The following CCNY variants were observed in gnomAD, a reference collection of about 807,000 sequenced individuals.
The protein encoded by CCNY is cyclin-Y.
Under a neutral mutation model 42.8 loss-of-function variants are expected in CCNY, and 19 were observed. The observed-to-expected ratio is 0.44, with a 90% CI of 0.31 to 0.65. The LOEUF (loss-of-function observed/expected upper bound fraction) is 0.65. CCNY is among the 30% of genes least tolerant of loss of function. The pLI is 0.07. For missense variants in CCNY, 370 were observed against 437.3 expected, an observed-to-expected ratio of 0.85 and a Z score of 1.37; for synonymous variants, 165 against 162.7, an observed-to-expected ratio of 1.01 and a Z score of -0.11.
At chr10:35,513,764 C>T (rs780417526) in intron 3 of CCNY, among the ~76,000 whole-genome samples, 18 of 152,154 alleles carry the variant, frequency 1.2e-4, no homozygotes, top group Non-Finnish European at 2.5e-4. Flanking sequence ...TCCAGCACAT[C>T]ACTTTGCTGT....
chr10:35,407,567 A>G (rs1359590018), intron 1 of CCNY, among the ~76,000 whole-genome samples: 6 of 152,132 alleles, frequency 3.9e-5, no homozygotes, highest in Non-Finnish European at 8.8e-5. Flanking sequence ...GAAAAATCGA[A>G]AGTGCCGTTT....
chr10:35,539,646 G>A (rs1005445261), intron 7 of CCNY, among the ~76,000 whole-genome samples: 5 of 152,262 alleles, frequency 3.3e-5, no homozygotes, highest in African/African-American at 1.2e-4. Context: ...AATTAGCTGG[G>A]TGTGGTGACA....
At chr10:35,367,276 A>G (rs1329990663) in intron 1 of CCNY, among the ~76,000 whole-genome samples, 2 of 151,998 alleles carry the variant, frequency 1.3e-5, no homozygotes, top group Non-Finnish European at 2.9e-5. Context: ...ATAGTATTCT[A>G]TTTTATAGAC....
chr10:35,513,962 G>A (rs981111452), intron 3 of CCNY, among the ~76,000 whole-genome samples: 5 of 151,346 alleles, frequency 3.3e-5, no homozygotes, highest in African/African-American at 1.2e-4. Context: ...GCTCTGTTCT[G>A]TGAGTGATAC....
intron 3 of CCNY, among the ~76,000 whole-genome samples, chr10:35,309,528 C>CTTCT (rs1835656210): frequency 6.6e-6 from 1 of 152,108 alleles, no homozygotes; most frequent in East Asian, 1.9e-4. Context: ...GCTCAAGATA[C>CTTCT]TTCTGCCTCA....
chr10:35,280,667 GA>G (rs1405699625), intron 3 of CCNY, among the ~76,000 whole-genome samples: 9 of 152,170 alleles, frequency 5.9e-5, no homozygotes, highest in African/African-American at 2.2e-4. Context: ...AGTAAACATA[GA>G]AATAATGACT....
At chr10:35,354,333 C>T (rs1283637737) in intron 1 of CCNY, among the ~76,000 whole-genome samples, 3 of 151,898 alleles carry the variant, frequency 2.0e-5, no homozygotes, top group Admixed American at 6.6e-5. Flanking sequence ...TTACAGGCGC[C>T]CACCACCACG....
chr10:35,310,646 G>A (rs1322176735), intron 3 of CCNY, among the ~76,000 whole-genome samples: 2 of 152,150 alleles, frequency 1.3e-5, no homozygotes, highest in Non-Finnish European at 2.9e-5. Flanking sequence ...TTTTGCTGAT[G>A]ATGAGTGATG....
chr10:35,363,426 G>A (rs1836743435), intron 1 of CCNY, among the ~76,000 whole-genome samples: 1 of 149,800 alleles, frequency 6.7e-6, no homozygotes, highest in African/African-American at 2.5e-5. Flanking sequence ...CCCAGACGGT[G>A]GGGCTGCCGG....
At chr10:35,422,238 C>T (rs762639327) in intron 1 of CCNY, among the ~76,000 whole-genome samples, 1 of 152,118 alleles carries the variant, frequency 6.6e-6, no homozygotes, top group Admixed American at 6.5e-5. Flanking sequence ...CTTGCTGGCT[C>T]GTGGCACCTC....
intron 1 of CCNY, among the ~76,000 whole-genome samples, chr10:35,375,610 G>A (rs972396746): frequency 6.6e-6 from 1 of 152,226 alleles, no homozygotes; most frequent in Non-Finnish European, 1.5e-5. Flanking sequence ...CAGGAAAACT[G>A]TTCTCTCCAG....
intron 9 of CCNY, among the ~76,000 whole-genome samples, chr10:35,568,564 C>T (rs1347337241): frequency 6.6e-6 from 1 of 152,256 alleles, no homozygotes; most frequent in Non-Finnish European, 1.5e-5. Context: ...CCATCCTTTT[C>T]TGTGGAGTCC....
intron 1 of CCNY, among the ~76,000 whole-genome samples, chr10:35,450,842 G>A (rs1416075181): frequency 2.0e-5 from 3 of 152,060 alleles, no homozygotes; most frequent in African/African-American, 4.8e-5. Flanking sequence ...GACAGTGATG[G>A]AGCAGTGGGC....
intron 3 of CCNY, among the ~76,000 whole-genome samples, chr10:35,289,952 G>C (rs906943520): frequency 6.6e-6 from 1 of 151,362 alleles, no homozygotes; most frequent in Non-Finnish European, 1.5e-5. Context: ...TCAGCTGGGC[G>C]TGGTGGCTTA....
intron 1 of CCNY, among the ~76,000 whole-genome samples, chr10:35,370,841 G>A (rs1240099492): frequency 6.6e-6 from 1 of 150,900 alleles, no homozygotes; most frequent in Non-Finnish European, 1.5e-5. Flanking sequence ...TCAGCCTCCC[G>A]AGTAGCTGAG....
At chr10:35,526,285 A>T (rs1418949832) in intron 5 of CCNY, among the ~76,000 whole-genome samples, 1 of 152,214 alleles carries the variant, frequency 6.6e-6, no homozygotes, top group Admixed American at 6.5e-5. Context: ...AAATTTGTTG[A>T]AACATTCTGT....
At chr10:35,413,845 CT>C (rs1837966012) in intron 1 of CCNY, among the ~76,000 whole-genome samples, 2 of 152,236 alleles carry the variant, frequency 1.3e-5, no homozygotes, top group African/African-American at 4.8e-5. Flanking sequence ...GGAGGCTCAA[CT>C]TTTCAGAACT....
intron 1 of CCNY, among the ~76,000 whole-genome samples, chr10:35,466,708 G>A (rs1270581511): frequency 1.3e-5 from 2 of 152,212 alleles, no homozygotes; most frequent in Non-Finnish European, 2.9e-5. Context: ...GTGCTCAAAA[G>A]GGAGCAGTGT....
chr10:35,364,978 G>A (rs1836777958), intron 1 of CCNY, among the ~76,000 whole-genome samples: 1 of 152,156 alleles, frequency 6.6e-6, no homozygotes, highest in South Asian at 2.1e-4. Context: ...ACCAATTAGG[G>A]CATGTTTAAC....
Sources: allele counts gnomAD v4.1 joint callset (sites outside exome capture counted in the v4.1 genomes callset), GRCh38; gene constraint gnomAD v4.1.1; transcripts MANE v1.5; gene names NCBI Gene and HGNC (gene_info 2026-07-23, HGNC 2026-07-21).